Variants in DNAH11 observed in about 807,000 individuals in gnomAD.
DNAH11 encodes dynein axonemal heavy chain 11.
A neutral mutation model predicts 526.0 loss-of-function variants in DNAH11; 442 were observed. The ratio of observed to expected loss-of-function variants is 0.84; its 90% CI spans 0.78 to 0.91. The LOEUF (loss-of-function observed/expected upper bound fraction) is 0.91, where lower values mean the gene tolerates loss of function less well. Ranked by LOEUF, DNAH11 falls within the 40% of genes least tolerant of loss-of-function variation. The pLI, the probability that DNAH11 is intolerant of heterozygous loss-of-function variation, is 0.00. For missense variants in DNAH11, 6,989 were observed against 5,448.7 expected, an observed-to-expected ratio of 1.28 and a Z score of -8.90; for synonymous variants, 2,461 against 1,935.9, an observed-to-expected ratio of 1.27 and a Z score of -7.12.
At chr7:21,819,157 C>T (rs181033772) in intron 65 of DNAH11, among the ~76,000 whole-genome samples, 1 of 152,220 alleles carries the variant, frequency 6.6e-6, no homozygotes, top group East Asian at 1.9e-4. Flanking sequence ...GAGTTTCCTT[C>T]CCTCTCTTCT....
intron 55 of DNAH11, among the ~76,000 whole-genome samples, chr7:21,770,661 T>C (rs1787399379): frequency 6.6e-6 from 1 of 152,154 alleles, no homozygotes; most frequent in African/African-American, 2.4e-5. Context: ...AAATCCTTCT[T>C]TTGACTATTG....
chr7:21,791,832 A>C (rs1379715660), intron 61 of DNAH11, among the ~76,000 whole-genome samples: 1 of 152,212 alleles, frequency 6.6e-6, no homozygotes, highest in Non-Finnish European at 1.5e-5. Context: ...CTGGGTCAGG[A>C]ATATATAGTT....
intron 44 of DNAH11, 90 bp from the exon 45 acceptor site, chr7:21,725,721 C>A: frequency 1.5e-6 from 2 of 1,322,896 alleles, no homozygotes; most frequent in South Asian, 1.4e-5. Context: ...AGGTTTCTAC[C>A]CCTATGATAT....
At chr7:21,614,329 A>G (rs115570434) in intron 20 of DNAH11, among the ~76,000 whole-genome samples, 223 of 152,330 alleles carry the variant, frequency 1.5e-3, no homozygotes, top group African/African-American at 5.2e-3. Flanking sequence ...TGATCAATCA[A>G]CAAAGAGCAG....
intron 35 of DNAH11, among the ~76,000 whole-genome samples, chr7:21,693,139 C>T (rs2965399): frequency 0.19 from 28,936 of 151,952 alleles, 5,122 homozygotes; most frequent in African/African-American, 0.44. Flanking sequence ...TTTTAATATC[C>T]TATTCAAGAA....
intron 8 of DNAH11, among the ~76,000 whole-genome samples, chr7:21,581,488 C>T (rs146336817): frequency 1.1e-4 from 16 of 152,314 alleles, no homozygotes; most frequent in African/African-American, 3.8e-4. Flanking sequence ...AAAAACCCTT[C>T]CTATTTAAAC....
chr7:21,878,689 G>A (rs768152731), intron 74 of DNAH11, among the ~76,000 whole-genome samples: 7 of 152,068 alleles, frequency 4.6e-5, no homozygotes, highest in African/African-American at 7.2e-5. Context: ...TTCTAGAACC[G>A]TATTTGGTGG....
In DNAH11 at chr7:21,617,720, G is replaced by A; in HGVS notation, c.4197G>A (p.Glu1399=). The A allele has an allele frequency of 6.2e-7, 1 of 1,613,400 alleles. No individual in the cohort carries two copies. The highest frequency in any genetic ancestry group is 8.5e-7 in the Non-Finnish European group (1 of 1,179,646). ...DMTASLRAIT[E]LQSPALRDRH... ...CAGCCTCCCTGAGGGCCATCACAGA[G>A]TTACAGAGCCCTGCCCTCAGGGACA... The change falls in exon 23 of 82, where the codon GAG becomes GAA. Residue 1399 remains glutamate (E), a synonymous_variant. Transcript: ENST00000409508.
intron 20 of DNAH11, among the ~76,000 whole-genome samples, chr7:21,607,776 A>C (rs1451992458): frequency 6.6e-6 from 1 of 151,832 alleles, no homozygotes; most frequent in Non-Finnish European, 1.5e-5. Context: ...CTAAAATAAA[A>C]ATTAAAAAAA....
chr7:21,779,152 A>G (rs750167615), intron 57 of DNAH11, 48 bp downstream of exon 57: 4 of 1,565,858 alleles, frequency 2.6e-6, no homozygotes, highest in Non-Finnish European at 3.5e-6. Context: ...TTTAGCACAA[A>G]ATAAACCTTG....
Position 21,733,229 on chromosome 7 carries a change from A to G in DNAH11, c.7441-2411A>G, listed in dbSNP as rs964698825. Among the ~76,000 whole-genome samples the G allele has an allele frequency of 2.3e-4, 35 of 152,232 alleles. 2 individuals are homozygous for G. The highest frequency in any genetic ancestry group is 2.3e-3 in the Admixed American group (35 of 15,288). On this transcript the variant is annotated intron_variant, in intron 45 of 81. Coordinates refer to ENST00000409508, the MANE Select transcript of DNAH11 (RefSeq NM_001277115.2). ...TTGTGAAACCTCTTCTGTACTAAAA[A>G]TACAAAAAATTAGCTGGGTATGGTG...
chr7:21,769,112 T>G (rs762572050), intron 55 of DNAH11, among the ~76,000 whole-genome samples: 5 of 152,236 alleles, frequency 3.3e-5, no homozygotes, highest in Admixed American at 6.5e-5. Context: ...TAAGGAATAT[T>G]GAAGCCATTT....
chr7:21,569,869 TG>T (rs1783816433), intron 6 of DNAH11, among the ~76,000 whole-genome samples, 199 bp from the exon 7 acceptor site: 1 of 152,232 alleles, frequency 6.6e-6, no homozygotes, highest in Non-Finnish European at 1.5e-5. Flanking sequence ...TAGGGTCTCC[TG>T]TATGTAATTC....
At position 21,808,095 on chromosome 7, in the gene DNAH11, GA is replaced by G. The variant is rs72657394; in HGVS notation, c.10332+49del. 5,542 of 1,342,640 alleles carry G rather than the reference GA, an allele frequency of 4.1e-3. 88 individuals are homozygous for G. The African/African-American group carries it at 0.043, about 10-fold the overall frequency. 83.2% of individuals were successfully genotyped at this position (1,342,640 alleles called of 1,614,324 possible). The stretch of plus-strand genomic sequence containing the variant: ...TGTCAGCAGGTAGAAAGATCACATT[GA>G]AATTTCAGTAGTAAAACCCACATAT... On this transcript the variant is annotated intron_variant, in intron 63 of 81. Transcript: ENST00000409508.
In DNAH11 at chr7:21,892,574, A is replaced by C; in HGVS notation, c.12657A>C (p.Thr4219=). 1 of 1,614,014 alleles carries C rather than the reference A, an allele frequency of 6.2e-7. No homozygotes were observed. Among genetic ancestry groups the C allele is most frequent in the East Asian group, 2.2e-5 (1 of 44,890 alleles). ...LHPNAEIEFL[T]VTSNTLFRTL... Reference sequence around the variant, plus strand: ...CAAATGCTGAAATAGAATTCCTGACAGTGACATCCAACACTCTCTTCAGAA... The same window carrying C: ...CAAATGCTGAAATAGAATTCCTGACCGTGACATCCAACACTCTCTTCAGAA... The change falls in exon 77 of 82, where the codon ACA becomes ACC. Residue 4219 remains threonine, a synonymous_variant. Transcript: ENST00000409508.
intron 25 of DNAH11, among the ~76,000 whole-genome samples, chr7:21,633,844 G>A (rs953077647): frequency 1.3e-5 from 2 of 152,186 alleles, no homozygotes; most frequent in African/African-American, 2.4e-5. Flanking sequence ...TCAGAAAAGG[G>A]TATTTAGGCA....
chr7:21,682,383 A>G (rs1026463442), intron 31 of DNAH11, among the ~76,000 whole-genome samples: 1 of 151,746 alleles, frequency 6.6e-6, no homozygotes, highest in Admixed American at 6.6e-5. Flanking sequence ...AAAATTAGCC[A>G]AGTGTGGTGG....
At chr7:21,881,244 A>G (rs1017625457) in intron 75 of DNAH11, among the ~76,000 whole-genome samples, 9 of 152,246 alleles carry the variant, frequency 5.9e-5, no homozygotes, top group Non-Finnish European at 1.2e-4. Context: ...ACATACAGCA[A>G]TTCTGACAGT....
At chr7:21,871,345 G>A (rs1040493371) in intron 73 of DNAH11, among the ~76,000 whole-genome samples, 1 of 152,200 alleles carries the variant, frequency 6.6e-6, no homozygotes, top group Non-Finnish European at 1.5e-5. Flanking sequence ...AAGCATTGCT[G>A]TTCTTGGAAA....
Sources: gnomAD v4.1 joint callset for allele counts (sites outside exome capture counted in the v4.1 genomes callset) on GRCh38, gnomAD v4.1.1 for gene constraint, MANE v1.5 for transcripts, NCBI Gene and HGNC (gene_info 2026-07-23, HGNC 2026-07-21) for gene names.